GLIS3: variants seen among roughly 807,000 people sequenced by gnomAD.
The protein encoded by GLIS3 is zinc finger protein GLIS3.
GLIS3 carries 53 observed loss-of-function variants against 78.6 expected under a neutral mutation model. The ratio of observed to expected loss-of-function variants is 0.67; its 90% CI spans 0.54 to 0.85. The LOEUF is 0.85. GLIS3 is among the 40% of genes least tolerant of loss of function. The pLI is 0.00. For missense variants in GLIS3, 1,703 were observed against 1,231.1 expected (o/e 1.38, Z -5.74); for synonymous variants, 684 against 509.9 (o/e 1.34, Z -4.60).
chr9:4,317,554 G>A (rs963236842), intron 2 of GLIS3, among the ~76,000 whole-genome samples: 2 of 152,206 alleles, frequency 1.3e-5, no homozygotes, highest in Non-Finnish European at 2.9e-5. Context: ...AAATGCTAAA[G>A]TGAGTATAAA....
chr9:4,431,121 A>G, the GLIS3 span, among the ~76,000 whole-genome samples: 1 of 152,190 alleles, frequency 6.6e-6, no homozygotes. Flanking sequence ...AATCACTAGC[A>G]ACTCAATCGC....
At chr9:3,900,271 G>A (rs1043557456) in intron 6 of GLIS3, among the ~76,000 whole-genome samples, 6 of 151,008 alleles carry the variant, frequency 4.0e-5, no homozygotes, top group Admixed American at 2.0e-4. Flanking sequence ...ATGTTAAAAC[G>A]TCTTTTTACT....
rs1471458708 is a variant in GLIS3 at position 4,118,084 on chromosome 9, T to C, written c.1394A>G (p.His465Arg). The C allele has an allele frequency of 1.6e-6, 2 of 1,218,760 alleles. No homozygotes were observed. Among genetic ancestry groups the C allele is most frequent in the Admixed American group, 2.1e-5 (1 of 48,018 alleles). The allele number at this position is 1,218,760 out of a possible 1,614,324, so 75.5% of individuals were successfully genotyped here. The change falls in exon 4 of 11, where the codon CAT becomes CGT. Residue 465 changes from histidine (H) to arginine (R), a missense_variant. Coordinates refer to ENST00000381971, the MANE Select transcript of GLIS3 (RefSeq NM_001042413.2). This position sits in a 1 kb window ranked among gnomAD's most constrained non-coding sequence, Gnocchi z 4.7. ...GAGCTCCGGGTGGTGAAGGTGCGCATGGGCATGGTAAGGGGGTGGGGGGCC... is the reference window on the plus strand; with the variant it reads ...GAGCTCCGGGTGGTGAAGGTGCGCACGGGCATGGTAAGGGGGTGGGGGGCC... ...PPGPPPPYHA[H>R]AHLHHPELGP...
At chr9:4,373,861 T>C in the GLIS3 span, among the ~76,000 whole-genome samples, 2 of 151,882 alleles carry the variant, frequency 1.3e-5, no homozygotes, top group African/African-American at 2.4e-5. Flanking sequence ...AGAGACGGGG[T>C]TTTACCATGT....
intron 6 of GLIS3, among the ~76,000 whole-genome samples, chr9:3,931,170 T>G (rs1276154194): frequency 6.6e-6 from 1 of 152,084 alleles, no homozygotes; most frequent in Non-Finnish European, 1.5e-5. Flanking sequence ...TGTATGCAAT[T>G]AAGACTATCT....
At position 4,046,736 on chromosome 9, in the gene GLIS3, G is replaced by A. The variant is rs539032348; in HGVS notation, c.1710+71032C>T. 2.0e-5 allele frequency among the ~76,000 whole-genome samples: 3 copies of A among 152,266 alleles called. No homozygotes were observed. The East Asian group carries it at 5.8e-4, about 29-fold the overall frequency. On this transcript the variant is annotated intron_variant, in intron 4 of 10. Transcript: ENST00000381971. ...GAGTTCCTCTACCAGGATAATGCAG[G>A]AACTCTAAATTGTATTATATGAAGA...
rs147724058 is a variant in GLIS3 at position 3,825,513 on chromosome 9, T to G, written c.*2759A>C. 24 of 152,278 alleles carry G rather than the reference T, an allele frequency of 1.6e-4. No homozygotes were observed. In the East Asian group the frequency reaches 3.9e-3, roughly 24 times the overall value. 9.4% of individuals were successfully genotyped at this position (152,278 alleles called of 1,614,324 possible). ...TAGTTTTGTGTTTTGTTTCTGTTTT[T>G]AAGGGGAATGACAATCTCTGTTTGG... On this transcript the variant is annotated 3_prime_UTR_variant, in exon 11 of 11. Coordinates refer to ENST00000381971, the MANE Select transcript of GLIS3 (RefSeq NM_001042413.2).
At chr9:4,297,376 G>C (rs1036974849) in intron 1 of GLIS3, among the ~76,000 whole-genome samples, 2 of 152,160 alleles carry the variant, frequency 1.3e-5, no homozygotes, top group Non-Finnish European at 2.9e-5. Flanking sequence ...CGTCTCTGGG[G>C]CTCGGTTTCC....
In GLIS3 at chr9:3,927,090, A is replaced by T. The variant is rs137855941; in HGVS notation, c.1983+5270T>A. Among the ~76,000 whole-genome samples the T allele has an allele frequency of 1.5e-4, 23 of 151,946 alleles. No homozygotes were observed. In the East Asian group the frequency reaches 3.7e-3, roughly 24 times the overall value. On this transcript the variant is annotated intron_variant, in intron 6 of 10. Coordinates refer to ENST00000381971, the MANE Select transcript of GLIS3 (RefSeq NM_001042413.2). The stretch of plus-strand genomic sequence containing the variant: ...TATTTATGTGGCTGATTTTCTGTTT[A>T]TTTTTTTTACTGTTGTTGGACTTTC...
intron 4 of GLIS3, among the ~76,000 whole-genome samples, chr9:4,023,900 G>A (rs1216049482): frequency 1.3e-5 from 2 of 152,072 alleles, no homozygotes; most frequent in East Asian, 3.9e-4. Context: ...GCTGTGATCG[G>A]TGGCCTCAAT....
chr9:4,292,488 G>A (rs1053274357), intron 1 of GLIS3, among the ~76,000 whole-genome samples: 2 of 152,110 alleles, frequency 1.3e-5, no homozygotes, highest in Admixed American at 6.6e-5. Context: ...AACAGCTGCA[G>A]GTACAGAGTT....
At chr9:4,211,385 C>G (rs1820357827) in intron 2 of GLIS3, among the ~76,000 whole-genome samples, 1 of 152,204 alleles carries the variant, frequency 6.6e-6, no homozygotes, top group Non-Finnish European at 1.5e-5. Flanking sequence ...AATTCATTCA[C>G]ACTCAGTGCA....
intron 4 of GLIS3, among the ~76,000 whole-genome samples, chr9:3,938,132 AT>A (rs1349127512): frequency 6.6e-6 from 1 of 152,162 alleles, no homozygotes; most frequent in Non-Finnish European, 1.5e-5. Context: ...TGAGATGGGG[AT>A]TTATCTTTTA....
the GLIS3 span, among the ~76,000 whole-genome samples, chr9:4,454,249 C>T: frequency 2.0e-5 from 3 of 152,162 alleles, no homozygotes; most frequent in Non-Finnish European, 2.9e-5. Flanking sequence ...AAGGGATCCT[C>T]CTGCCTTGGC....
intron 4 of GLIS3, among the ~76,000 whole-genome samples, chr9:4,010,972 T>A (rs1349400989): frequency 3.3e-5 from 5 of 152,124 alleles, no homozygotes; most frequent in African/African-American, 1.2e-4. Flanking sequence ...CATTTATTTT[T>A]AAAAAATTGC....
intron 4 of GLIS3, among the ~76,000 whole-genome samples, chr9:3,947,848 T>G (rs1391741225): frequency 6.6e-6 from 1 of 152,126 alleles, no homozygotes; most frequent in Non-Finnish European, 1.5e-5. Flanking sequence ...GGAAAGAGAG[T>G]GGCAGAGATA....
intron 2 of GLIS3, among the ~76,000 whole-genome samples, chr9:4,130,752 G>C (rs1215837934): frequency 6.6e-6 from 1 of 152,192 alleles, no homozygotes; most frequent in Non-Finnish European, 1.5e-5. Context: ...AGGCGTGGAG[G>C]TGAAATGTGG....
intron 2 of GLIS3, among the ~76,000 whole-genome samples, chr9:4,254,748 G>A (rs757488949): frequency 1.3e-5 from 2 of 151,740 alleles, no homozygotes; most frequent in Non-Finnish European, 2.9e-5. Flanking sequence ...GCTGAGGCAG[G>A]AGAATTGCTT....
chr9:4,249,584 T>C (rs554125370), intron 2 of GLIS3, among the ~76,000 whole-genome samples: 1 of 152,318 alleles, frequency 6.6e-6, no homozygotes, highest in African/African-American at 2.4e-5. Context: ...TTGGACTTCC[T>C]CTCTTCCTAT....
Sources: allele counts gnomAD v4.1 joint callset (sites outside exome capture counted in the v4.1 genomes callset), GRCh38; gene constraint gnomAD v4.1.1; non-coding constraint Gnocchi (gnomAD v3.1); transcripts MANE v1.5; gene names NCBI Gene and HGNC (gene_info 2026-07-23, HGNC 2026-07-21).